The following FRMD4B variants were observed in gnomAD, a reference collection of about 807,000 sequenced individuals.
FRMD4B encodes the protein FERM domain-containing protein 4B.
A neutral mutation model predicts 141.5 loss-of-function variants in FRMD4B; 74 were observed. The ratio of observed to expected loss-of-function variants is 0.52; its 90% CI spans 0.43 to 0.63. The LOEUF is 0.63. Among genes scored for constraint, FRMD4B ranks in the 30% least tolerant of loss-of-function variants. FRMD4B has a pLI of 0.00. For synonymous variants in FRMD4B, 506 were observed against 467.9 expected (o/e 1.08, Z -1.05); for missense variants, 1,366 against 1,253.4 (o/e 1.09, Z -1.36).
intron 11 of FRMD4B, among the ~76,000 whole-genome samples, chr3:69,213,190 T>G (rs1303654325): frequency 6.6e-6 from 1 of 152,194 alleles, no homozygotes; most frequent in Non-Finnish European, 1.5e-5. Context: ...TCTGTCTTTG[T>G]AAATGCTTAG....
intron 2 of FRMD4B, among the ~76,000 whole-genome samples, chr3:69,394,009 G>C (rs532068429): frequency 7.4e-4 from 113 of 152,256 alleles, no homozygotes; most frequent in Non-Finnish European, 1.3e-3. Context: ...TTATAATTTG[G>C]TTTGGGCCTC....
chr3:69,232,531 G>C (rs549515948), intron 7 of FRMD4B, among the ~76,000 whole-genome samples: 21 of 152,230 alleles, frequency 1.4e-4, no homozygotes, highest in African/African-American at 3.9e-4. Context: ...CCTTTCACAG[G>C]CTGTTTTTCT....
chr3:69,240,184 C>T (rs1315481495), intron 7 of FRMD4B, among the ~76,000 whole-genome samples: 1 of 151,814 alleles, frequency 6.6e-6, no homozygotes, highest in Non-Finnish European at 1.5e-5. Flanking sequence ...ATTCTTAAAT[C>T]TAGAGTTAGA....
At chr3:69,426,787 T>A (rs534204172) in intron 2 of FRMD4B, among the ~76,000 whole-genome samples, 1 of 152,118 alleles carries the variant, frequency 6.6e-6, no homozygotes, top group South Asian at 2.1e-4. Flanking sequence ...TCAGATGTAA[T>A]AAGATAAGCC....
chr3:69,320,744 TAAAA>T (rs902258762), intron 1 of FRMD4B: 1 of 152,136 alleles, frequency 6.6e-6, no homozygotes, highest in African/African-American at 2.4e-5. Context: ...TCAGATGAAA[TAAAA>T]AACATATTTA....
At chr3:69,243,219 C>T (rs1031941281) in intron 7 of FRMD4B, among the ~76,000 whole-genome samples, 1 of 152,126 alleles carries the variant, frequency 6.6e-6, no homozygotes, top group African/African-American at 2.4e-5. Flanking sequence ...TTTTAATTAA[C>T]TTTCAGAGAG....
At chr3:69,366,296 A>G in intron 1 of FRMD4B, among the ~76,000 whole-genome samples, 1 of 151,244 alleles carries the variant, frequency 6.6e-6, no homozygotes, top group African/African-American at 2.5e-5. Context: ...AAAAAAATTG[A>G]CAACAACTTA....
chr3:69,508,096 A>G (rs753065158), intron 1 of FRMD4B, among the ~76,000 whole-genome samples: 5 of 152,174 alleles, frequency 3.3e-5, no homozygotes, highest in Non-Finnish European at 7.3e-5. Context: ...TACTGCATTT[A>G]GTTTCTGCCA....
chr3:69,489,510 G>C (rs1053893472), intron 1 of FRMD4B, among the ~76,000 whole-genome samples: 11 of 149,996 alleles, frequency 7.3e-5, no homozygotes, highest in African/African-American at 2.4e-4. Context: ...ATTCATTAGG[G>C]AAATGCAAAT....
In FRMD4B at chr3:69,221,934, A is replaced by C. The variant is rs112777024; in HGVS notation, c.666-11T>G. The C allele has an allele frequency of 3.6e-6, 5 of 1,397,654 alleles. No homozygotes were observed. Among genetic ancestry groups the C allele is most frequent in the East Asian group, 2.3e-5 (1 of 43,048 alleles). The allele number at this position is 1,397,654 out of a possible 1,614,324, so 86.6% of individuals were successfully genotyped here. On this transcript the variant is annotated splice_polypyrimidine_tract_variant and intron_variant, in intron 8 of 22. Transcript: ENST00000398540. ...ATTACCCTGTCCTCACTGTAAAACAAAGAAATGAGAAGGATTGCAATGCAT... is the reference window on the plus strand; with the variant it reads ...ATTACCCTGTCCTCACTGTAAAACACAGAAATGAGAAGGATTGCAATGCAT...
At chr3:69,287,930 G>A in intron 4 of FRMD4B, 94 bp from the exon 5 acceptor site, 1 of 617,458 alleles carries the variant, frequency 1.6e-6, no homozygotes, top group South Asian at 2.1e-5. Flanking sequence ...CAAGAATTTT[G>A]AGAAACCTGA....
chr3:69,250,579 C>T (rs2093458348), intron 5 of FRMD4B, among the ~76,000 whole-genome samples: 1 of 152,082 alleles, frequency 6.6e-6, no homozygotes, highest in African/African-American at 2.4e-5. Flanking sequence ...AAATTCACTT[C>T]TGTGTCAATG....
At chr3:69,455,546 G>A (rs896629199) in intron 1 of FRMD4B, among the ~76,000 whole-genome samples, 4 of 152,126 alleles carry the variant, frequency 2.6e-5, no homozygotes, top group African/African-American at 7.2e-5. Flanking sequence ...CGGTAAGAAG[G>A]AAGAAACTAC....
chr3:69,455,297 G>T (rs182198931), intron 1 of FRMD4B, among the ~76,000 whole-genome samples: 2 of 152,206 alleles, frequency 1.3e-5, no homozygotes, highest in African/African-American at 2.4e-5. Flanking sequence ...TTTACATAAT[G>T]TGGGAGGTTT....
At chr3:69,253,481 G>A (rs1199277845) in intron 5 of FRMD4B, among the ~76,000 whole-genome samples, 1 of 152,034 alleles carries the variant, frequency 6.6e-6, no homozygotes, top group Non-Finnish European at 1.5e-5. Context: ...AAAGTAGAGT[G>A]GGAAAATATT....
At chr3:69,279,229 G>A (rs1284870541) in intron 5 of FRMD4B, among the ~76,000 whole-genome samples, 1 of 152,202 alleles carries the variant, frequency 6.6e-6, no homozygotes, top group East Asian at 1.9e-4. Context: ...GGAATGCAAT[G>A]ATGTTTTAAT....
At chr3:69,493,164 G>C (rs1575589960) in intron 1 of FRMD4B, among the ~76,000 whole-genome samples, 1 of 152,158 alleles carries the variant, frequency 6.6e-6, no homozygotes, top group East Asian at 1.9e-4. Flanking sequence ...TTAATTTCCA[G>C]TTTAACATTT....
chr3:69,515,092 G>A (rs1700730344), intron 1 of FRMD4B, among the ~76,000 whole-genome samples: 1 of 152,184 alleles, frequency 6.6e-6, no homozygotes, highest in African/African-American at 2.4e-5. Context: ...TCAACAAGGA[G>A]CCTAAATCAC....
At chr3:69,245,099 A>T (rs988233695) in intron 7 of FRMD4B, among the ~76,000 whole-genome samples, 1 of 152,220 alleles carries the variant, frequency 6.6e-6, no homozygotes, top group Non-Finnish European at 1.5e-5. Flanking sequence ...ATATTAATTC[A>T]TTTAATCCTC....
Sources: gnomAD v4.1 joint callset for allele counts (sites outside exome capture counted in the v4.1 genomes callset) on GRCh38, gnomAD v4.1.1 for gene constraint, MANE v1.5 for transcripts, NCBI Gene and HGNC (gene_info 2026-07-23, HGNC 2026-07-21) for gene names.